The following ST6GALNAC3 variants were observed in gnomAD, a reference collection of about 807,000 sequenced individuals.
ST6GALNAC3 encodes alpha-N-acetylgalactosaminide alpha-2,6-sialyltransferase 3.
ST6GALNAC3 carries 25 observed loss-of-function variants against 32.7 expected under a neutral mutation model. The ratio of observed to expected loss-of-function variants is 0.76; its 90% confidence interval spans 0.56 to 1.07. The LOEUF is 1.07. Among genes scored for constraint, ST6GALNAC3 ranks in the 50% least tolerant of loss-of-function variants. The pLI is 0.00. For synonymous variants in ST6GALNAC3, 129 were observed against 133.1 expected (o/e 0.97, Z 0.21); for missense variants, 355 against 382.4 (o/e 0.93, Z 0.60).
intron 1 of ST6GALNAC3, among the ~76,000 whole-genome samples, chr1:76,166,781 G>A (rs931518056): frequency 1.5e-4 from 23 of 151,912 alleles, no homozygotes; most frequent in South Asian, 4.2e-4. Flanking sequence ...GTAGGATTGC[G>A]TTGCCTATTC....
chr1:76,586,088 T>C (rs902038914), intron 3 of ST6GALNAC3, among the ~76,000 whole-genome samples: 2 of 152,194 alleles, frequency 1.3e-5, no homozygotes, highest in African/African-American at 4.8e-5. Context: ...GGACTCTGTT[T>C]TGGTCTGTCC....
At chr1:76,264,486 T>C (rs1658420975) in intron 1 of ST6GALNAC3, among the ~76,000 whole-genome samples, 1 of 152,146 alleles carries the variant, frequency 6.6e-6, no homozygotes, top group Admixed American at 6.6e-5. Flanking sequence ...TCTTGTAATA[T>C]CTTCTATAAA....
chr1:76,311,173 G>C (rs769007943), intron 1 of ST6GALNAC3, among the ~76,000 whole-genome samples: 6 of 152,030 alleles, frequency 3.9e-5, no homozygotes, highest in Non-Finnish European at 8.8e-5. Context: ...AATTGGGATA[G>C]CCTCCTAACT....
At chr1:76,409,503 G>T (rs1654063797) in intron 2 of ST6GALNAC3, among the ~76,000 whole-genome samples, 1 of 151,136 alleles carries the variant, frequency 6.6e-6, no homozygotes, top group African/African-American at 2.4e-5. Flanking sequence ...GCAGGAGGAA[G>T]AACAAGCATG....
chr1:76,575,648 A>G (rs1046894552), intron 3 of ST6GALNAC3, among the ~76,000 whole-genome samples: 6 of 152,012 alleles, frequency 3.9e-5, no homozygotes, highest in African/African-American at 1.4e-4. Flanking sequence ...AAGGCACCCA[A>G]TTTTACAGGA....
chr1:76,120,392 G>T (rs867212227), intron 1 of ST6GALNAC3, among the ~76,000 whole-genome samples: 2 of 152,300 alleles, frequency 1.3e-5, no homozygotes, highest in South Asian at 4.2e-4. Flanking sequence ...GGGGACAAAA[G>T]ACTTTAAAAG....
chr1:76,624,104 A>ATT (rs1648813297), intron 3 of ST6GALNAC3, among the ~76,000 whole-genome samples: 1 of 151,988 alleles, frequency 6.6e-6, no homozygotes, highest in South Asian at 2.1e-4. Context: ...GCAACTGTCA[A>ATT]TTAAGTGCTG....
At position 76,462,119 on chromosome 1, in the gene ST6GALNAC3, C is replaced by T. The variant is rs147421366; in HGVS notation, c.623+49702C>T. Among the ~76,000 whole-genome samples, 173 of 152,160 alleles carry T rather than the reference C, an allele frequency of 1.1e-3. 1 individual carries two copies. Among genetic ancestry groups the T allele is most frequent in the Admixed American group, 3.4e-3 (52 of 15,274 alleles). ...AACTCCCTCCAAACCTGTCCCCATC[C>T]CCCCAGCCTGTAAACTTCTTGAGAG... On this transcript the variant is annotated intron_variant, in intron 3 of 4. Coordinates refer to ENST00000328299, the MANE Select transcript of ST6GALNAC3 (RefSeq NM_152996.4).
chr1:76,313,155 GATA>G (rs950851013), intron 1 of ST6GALNAC3, among the ~76,000 whole-genome samples: 6 of 152,066 alleles, frequency 3.9e-5, no homozygotes, highest in Non-Finnish European at 8.8e-5. Flanking sequence ...AAGAATGAGT[GATA>G]ATGATACTGT....
intron 3 of ST6GALNAC3, among the ~76,000 whole-genome samples, chr1:76,616,557 T>C (rs1474161391): frequency 3.9e-5 from 6 of 152,214 alleles, no homozygotes; most frequent in Non-Finnish European, 8.8e-5. Context: ...GATGATACCC[T>C]TTTATTTGGC....
At chr1:76,550,508 T>C (rs747370231) in intron 3 of ST6GALNAC3, among the ~76,000 whole-genome samples, 12 of 152,136 alleles carry the variant, frequency 7.9e-5, no homozygotes, top group Non-Finnish European at 1.2e-4. Context: ...TCTATTTTTT[T>C]CCCCATGACA....
At chr1:76,369,238 T>C (rs1249783959) in intron 2 of ST6GALNAC3, among the ~76,000 whole-genome samples, 1 of 152,076 alleles carries the variant, frequency 6.6e-6, no homozygotes, top group African/African-American at 2.4e-5. Flanking sequence ...CTGTGTCTCT[T>C]AGGCTCACAC....
At position 76,627,579 on chromosome 1, in the gene ST6GALNAC3, T is replaced by A; in HGVS notation, c.731+20T>A. 6.5e-7 allele frequency: 1 copy of A among 1,529,038 alleles called. No homozygotes were observed. The highest frequency in any genetic ancestry group is 9.1e-7 in the Non-Finnish European group (1 of 1,103,748). 94.7% of individuals were successfully genotyped at this position (1,529,038 alleles called of 1,614,324 possible). A position where few individuals can be genotyped will look rare whatever the true frequency, so the allele number is the denominator to read the frequency against. On this transcript the variant is annotated intron_variant, in intron 4 of 4. Coordinates refer to ENST00000328299, the MANE Select transcript of ST6GALNAC3 (RefSeq NM_152996.4). The stretch of plus-strand genomic sequence containing the variant: ...CTGCAAGTAAGATCACAAGAAATTA[T>A]TTTTATGCAGCTCCAATTCGGAGAT...
intron 1 of ST6GALNAC3, among the ~76,000 whole-genome samples, chr1:76,116,581 T>G (rs570355514): frequency 6.6e-6 from 1 of 152,190 alleles, no homozygotes; most frequent in African/African-American, 2.4e-5. Context: ...CCAAGTTCTG[T>G]CAAGCAGCCT....
At chr1:76,396,022 A>T (rs1345693329) in intron 2 of ST6GALNAC3, among the ~76,000 whole-genome samples, 1 of 152,218 alleles carries the variant, frequency 6.6e-6, no homozygotes, top group African/African-American at 2.4e-5. Context: ...GGATACCTTA[A>T]ATACTAACTT....
chr1:76,409,677 T>C (rs984009348), intron 2 of ST6GALNAC3, among the ~76,000 whole-genome samples: 1 of 152,116 alleles, frequency 6.6e-6, no homozygotes, highest in Non-Finnish European at 1.5e-5. Flanking sequence ...TTTTGATTAA[T>C]GGTTTCTCAT....
chr1:76,370,134 C>T (rs1166369728), intron 2 of ST6GALNAC3, among the ~76,000 whole-genome samples: 2 of 152,092 alleles, frequency 1.3e-5, no homozygotes, highest in African/African-American at 4.8e-5. Flanking sequence ...AAAATGTGGC[C>T]ACCTCGTTGA....
Position 76,074,851 on chromosome 1 carries a change from GGGCCGGCGGAGCGCCAT to G in ST6GALNAC3, c.-11_6del, listed in dbSNP as rs1168549498. On this transcript the variant is annotated start_lost and 5_prime_UTR_variant, in exon 1 of 5. Transcript: ENST00000328299. Reference sequence around the variant, plus strand: ...GCGCGCCCGCTGCTCGGTGGCAGGAGGGCCGGCGGAGCGCCATGGCCTGCATCCTGAAGGTAACGACT... The same window carrying G: ...GCGCGCCCGCTGCTCGGTGGCAGGAGGGCCTGCATCCTGAAGGTAACGACT... The G allele has an allele frequency of 6.3e-7, 1 of 1,588,036 alleles. No individual in the cohort carries two copies. Among genetic ancestry groups the G allele is most frequent in the African/African-American group, 1.3e-5 (1 of 74,670 alleles).
At chr1:76,457,628 T>G (rs1300996067) in intron 3 of ST6GALNAC3, among the ~76,000 whole-genome samples, 1 of 151,880 alleles carries the variant, frequency 6.6e-6, no homozygotes, top group African/African-American at 2.4e-5. Context: ...AAACAAGCAA[T>G]GGGGAAAGGA....
Sources: allele counts gnomAD v4.1 joint callset (sites outside exome capture counted in the v4.1 genomes callset), GRCh38; gene constraint gnomAD v4.1.1; transcripts MANE v1.5; gene names NCBI Gene and HGNC (gene_info 2026-07-23, HGNC 2026-07-21).